Variants in ULK4 observed in about 807,000 individuals in gnomAD.
ULK4 encodes unc-51 like kinase 4.
ULK4 carries 133 observed loss-of-function variants against 160.6 expected under a neutral mutation model. That is an observed-to-expected ratio of 0.83 (90% confidence interval 0.72 to 0.96). The LOEUF (loss-of-function observed/expected upper bound fraction) is 0.96, where lower values mean the gene tolerates loss of function less well. Among genes scored for constraint, ULK4 ranks in the 40% least tolerant of loss-of-function variants. ULK4 has a pLI of 0.00. For synonymous variants in ULK4, 534 were observed against 539.8 expected (o/e 0.99, Z 0.15); for missense variants, 1,580 against 1,499.5 (o/e 1.05, Z -0.89).
At chr3:41,378,649 G>A (rs868771562) in intron 35 of ULK4, among the ~76,000 whole-genome samples, 13 of 149,890 alleles carry the variant, frequency 8.7e-5, no homozygotes, top group Admixed American at 3.3e-4. Flanking sequence ...GGGGAGCGGG[G>A]AGGGATAGCA....
At chr3:41,913,552 C>CAGATATCTATA (rs1424048301) in intron 8 of ULK4, among the ~76,000 whole-genome samples, 3 of 152,208 alleles carry the variant, frequency 2.0e-5, no homozygotes, top group East Asian at 3.9e-4. Flanking sequence ...GTAAATATAT[C>CAGATATCTATA]AGATATCTAT....
chr3:41,797,262 T>C (rs938158020), intron 20 of ULK4, among the ~76,000 whole-genome samples: 1 of 152,086 alleles, frequency 6.6e-6, no homozygotes, highest in Non-Finnish European at 1.5e-5. Context: ...CAACAGAGAC[T>C]GTATATGAGC....
In ULK4 at chr3:41,651,684, A is replaced by T. The variant is rs2034749965; in HGVS notation, c.3071+11923T>A. On this transcript the variant is annotated intron_variant, in intron 30 of 36. Coordinates refer to ENST00000301831, the MANE Select transcript of ULK4 (RefSeq NM_017886.4). Reference sequence around the variant, plus strand: ...TCAAGAGACAGAAAAGTAAAAAGGAATTTTCTTGTGGGCAACTAAGGAAAT... The same window carrying T: ...TCAAGAGACAGAAAAGTAAAAAGGATTTTTCTTGTGGGCAACTAAGGAAAT... Among the ~76,000 whole-genome samples the T allele has an allele frequency of 2.0e-5, 3 of 152,222 alleles. No homozygotes were observed. In the South Asian group the frequency reaches 6.2e-4, roughly 31 times the overall value.
At chr3:41,361,443 ATCT>A (rs1372306935) in intron 35 of ULK4, among the ~76,000 whole-genome samples, 1 of 152,252 alleles carries the variant, frequency 6.6e-6, no homozygotes. Flanking sequence ...ACACAAACTC[ATCT>A]TCTCCTAGGA....
chr3:41,858,849 T>A (rs1450506712), intron 17 of ULK4, among the ~76,000 whole-genome samples: 1 of 152,082 alleles, frequency 6.6e-6, no homozygotes, highest in East Asian at 1.9e-4. Context: ...AATAATTTAT[T>A]CCAAAAGACG....
chr3:41,284,035 A>G (rs1007430251), intron 35 of ULK4, among the ~76,000 whole-genome samples: 10 of 152,150 alleles, frequency 6.6e-5, no homozygotes, highest in Admixed American at 1.3e-4. Flanking sequence ...AAAGACCTCT[A>G]CAAAGAAAAC....
At chr3:41,439,268 A>G (rs1488662804) in intron 34 of ULK4, among the ~76,000 whole-genome samples, 3 of 152,198 alleles carry the variant, frequency 2.0e-5, no homozygotes, top group Non-Finnish European at 4.4e-5. Context: ...TGGGCCTTGC[A>G]TTTGTTTCTG....
chr3:41,950,909 C>T (rs1576007914), intron 2 of ULK4, among the ~76,000 whole-genome samples: 3 of 151,710 alleles, frequency 2.0e-5, no homozygotes, highest in East Asian at 3.9e-4. Flanking sequence ...CTTTGGGAGG[C>T]CGAAGCGGGC....
At chr3:41,891,624 C>G (rs1324700677) in intron 16 of ULK4, among the ~76,000 whole-genome samples, 2 of 151,974 alleles carry the variant, frequency 1.3e-5, no homozygotes, top group African/African-American at 2.4e-5. Context: ...AAAATACTAA[C>G]AGCCAGGCGC....
intron 35 of ULK4, among the ~76,000 whole-genome samples, chr3:41,287,650 G>A (rs957699971): frequency 1.3e-5 from 2 of 152,170 alleles, no homozygotes; most frequent in African/African-American, 2.4e-5. Context: ...GGGAGTTTGA[G>A]CACTCTTCAA....
chr3:41,365,646 G>T (rs1328670475), intron 35 of ULK4, among the ~76,000 whole-genome samples: 2 of 152,136 alleles, frequency 1.3e-5, no homozygotes, highest in African/African-American at 4.8e-5. Flanking sequence ...CTGAGACTCA[G>T]TGAAGATAGG....
chr3:41,679,178 TCTTTA>T lies in ULK4; in HGVS notation c.2978+2325_2978+2329del, dbSNP rs370151539. Among the ~76,000 whole-genome samples, 227 of 152,298 alleles carry T rather than the reference TCTTTA, an allele frequency of 1.5e-3. 1 individual carries two copies. The highest frequency in any genetic ancestry group is 5.3e-3 in the African/African-American group (221 of 41,568). ...CATTACTATTATTGCCCTATTACAATCTTTACTTTAAAGATTAATATGAGATTAAA... is the reference window on the plus strand; with the variant it reads ...CATTACTATTATTGCCCTATTACAATCTTTAAAGATTAATATGAGATTAAA... On this transcript the variant is annotated intron_variant, in intron 29 of 36. Transcript: ENST00000301831.
chr3:41,660,861 T>C (rs889286024), intron 30 of ULK4, among the ~76,000 whole-genome samples: 2 of 152,114 alleles, frequency 1.3e-5, no homozygotes, highest in African/African-American at 4.8e-5. Flanking sequence ...GGGAGAGGGG[T>C]GGTAAATAAG....
chr3:41,855,096 G>C (rs1208507384), intron 17 of ULK4, among the ~76,000 whole-genome samples: 2 of 152,096 alleles, frequency 1.3e-5, no homozygotes, highest in Non-Finnish European at 2.9e-5. Flanking sequence ...GGCTAAAAGA[G>C]GAAGGTGCAA....
chr3:41,404,893 T>G (rs374186364), intron 34 of ULK4, among the ~76,000 whole-genome samples: 1 of 152,224 alleles, frequency 6.6e-6, no homozygotes. Context: ...TTCTGTTCAT[T>G]ATAAATTGCT....
At chr3:41,345,472 C>A (rs2080779503) in intron 35 of ULK4, among the ~76,000 whole-genome samples, 1 of 152,158 alleles carries the variant, frequency 6.6e-6, no homozygotes, top group African/African-American at 2.4e-5. Context: ...ATGTCCTTTG[C>A]AAGGACATGG....
intron 30 of ULK4, among the ~76,000 whole-genome samples, chr3:41,642,635 T>G (rs951725062): frequency 6.6e-6 from 1 of 152,208 alleles, no homozygotes; most frequent in Non-Finnish European, 1.5e-5. Context: ...TTGTGAACAG[T>G]GCCGCAATAA....
chr3:41,507,051 G>C (rs1350585102), intron 32 of ULK4, among the ~76,000 whole-genome samples: 1 of 148,284 alleles, frequency 6.7e-6, no homozygotes, highest in African/African-American at 2.5e-5. Context: ...ATGTACACCT[G>C]GTTAAATGGA....
chr3:41,797,413 G>A (rs189731659), intron 20 of ULK4, among the ~76,000 whole-genome samples: 3 of 152,274 alleles, frequency 2.0e-5, no homozygotes, highest in Admixed American at 2.0e-4. Context: ...GTCATCAATG[G>A]ATGCTATGGA....
Sources: gnomAD v4.1 joint callset for allele counts (sites outside exome capture counted in the v4.1 genomes callset) on GRCh38, gnomAD v4.1.1 for gene constraint, MANE v1.5 for transcripts, NCBI Gene and HGNC (gene_info 2026-07-23, HGNC 2026-07-21) for gene names.